C1orf159: variants seen among roughly 807,000 people sequenced by gnomAD.
C1orf159 encodes uncharacterized protein C1orf159.
A neutral mutation model predicts 25.6 loss-of-function variants in C1orf159; 19 were observed. The observed-to-expected ratio is 0.74, with a 90% CI of 0.52 to 1.09. C1orf159 has a LOEUF of 1.09. Among genes scored for constraint, C1orf159 ranks in the 50% least tolerant of loss-of-function variants. The pLI, the probability that C1orf159 is intolerant of heterozygous loss-of-function variation, is 0.00. For synonymous variants in C1orf159, 139 were observed against 124.7 expected (o/e 1.12, Z -0.77); for missense variants, 274 against 290.6 (o/e 0.94, Z 0.42).
chr1:1,087,673 A>T lies in C1orf159; in HGVS notation c.149-76T>A. On this transcript the variant is annotated intron_variant, in intron 4 of 9. Transcript: ENST00000421241. This position sits in a 1 kb window ranked among gnomAD's most constrained non-coding sequence, Gnocchi z 8.3. ...CTGGGTCTCCTGGGAATGATTCTCT[A>T]TTTGAGTTGGTGAGATAACTTTCAT... is the stretch of plus-strand genomic sequence containing the variant. 9.1e-7 allele frequency: 1 copy of T among 1,103,150 alleles called. No individual in the cohort carries two copies. The highest frequency in any genetic ancestry group is 1.3e-6 in the Non-Finnish European group (1 of 768,262). 68.3% of individuals were successfully genotyped at this position (1,103,150 alleles called of 1,614,324 possible). A position where few individuals can be genotyped will look rare whatever the true frequency, so the allele number is the denominator to read the frequency against.
Position 1,087,354 on chromosome 1 carries a change from C to G in C1orf159, c.244+148G>C. 1 of 1,164,598 alleles carries G rather than the reference C, an allele frequency of 8.6e-7. No homozygotes were observed. Among genetic ancestry groups the G allele is most frequent in the Non-Finnish European group, 1.2e-6 (1 of 840,910 alleles). The allele number at this position is 1,164,598 out of a possible 1,614,324, so 72.1% of individuals were successfully genotyped here. A position where few individuals can be genotyped will look rare whatever the true frequency, so the allele number is the denominator to read the frequency against. On this transcript the variant is annotated intron_variant, in intron 5 of 9. Coordinates refer to ENST00000421241, the MANE Select transcript of C1orf159 (RefSeq NM_017891.5). The surrounding 1 kb of genome is among the most constrained non-coding windows in gnomAD (Gnocchi z 8.3). ...CACCACAGAGCTGTCCCGAATGGCC[C>G]AGCAGACTCGGGAAGAGGGGGCTCC... is the stretch of plus-strand genomic sequence containing the variant.
intron 1 of C1orf159, among the ~76,000 whole-genome samples, chr1:1,102,464 T>C (rs976626673): frequency 6.6e-6 from 1 of 151,432 alleles, no homozygotes; most frequent in African/African-American, 2.4e-5. Context: ...CCTTCTGTTA[T>C]GTTCATTCAG....
In C1orf159 at chr1:1,097,818, G is replaced by A. The variant is rs150260621; in HGVS notation, c.-135-5715C>T. 6.6e-5 allele frequency among the ~76,000 whole-genome samples: 10 copies of A among 152,102 alleles called. No individual in the cohort carries two copies. The East Asian group carries it at 1.9e-3, about 29-fold the overall frequency. ...AAAAATCAGCTTTTGATATTGTTAA[G>A]TTTCTCCATTTTTCTCATGCTTTCT... On this transcript the variant is annotated intron_variant, in intron 1 of 9. Transcript: ENST00000421241.
At chr1:1,090,169 C>T (rs540974953) in intron 4 of C1orf159, among the ~76,000 whole-genome samples, 184 bp downstream of exon 4, 100 of 152,324 alleles carry the variant, frequency 6.6e-4, no homozygotes, top group East Asian at 1.5e-3. Flanking sequence ...CGCTCAAGGC[C>T]GCCCGCCAGA....
At chr1:1,090,924 T>G in intron 3 of C1orf159, 3 of 1,550,370 alleles carry the variant, frequency 1.9e-6, no homozygotes, top group South Asian at 1.2e-5. Context: ...TGGACAGGCC[T>G]GGGGGGCTCA....
At position 1,089,478 on chromosome 1, in the gene C1orf159, C is replaced by A. The variant is rs1461946578; in HGVS notation, c.148+875G>T. On this transcript the variant is annotated intron_variant, in intron 4 of 9. Coordinates refer to ENST00000421241, the MANE Select transcript of C1orf159 (RefSeq NM_017891.5). The surrounding 1 kb of genome is among the most constrained non-coding windows in gnomAD (Gnocchi z 7.5). ...TCAGAGCGGTGCCCTCCTCCTCCTA[C>A]CCTGCGTGTGCCTCAGATGTCATCA... Among the ~76,000 whole-genome samples the A allele has an allele frequency of 6.6e-6, 1 of 152,114 alleles. No homozygotes were observed. The highest frequency in any genetic ancestry group is 1.5e-5 in the Non-Finnish European group (1 of 67,984).
chr1:1,107,094 C>T (rs1570334669), intron 1 of C1orf159, among the ~76,000 whole-genome samples: 2 of 152,260 alleles, frequency 1.3e-5, no homozygotes, highest in Non-Finnish European at 2.9e-5. Flanking sequence ...CGGGCACCAC[C>T]CCCTGCTCCG....
At chr1:1,104,479 G>C (rs1646143803) in intron 1 of C1orf159, among the ~76,000 whole-genome samples, 1 of 152,228 alleles carries the variant, frequency 6.6e-6, no homozygotes, top group African/African-American at 2.4e-5. Context: ...CATGGTTATA[G>C]TTGTGCTATG....
At chr1:1,113,137 AGT>A (rs1283184000) in intron 1 of C1orf159, among the ~76,000 whole-genome samples, 4 of 151,630 alleles carry the variant, frequency 2.6e-5, no homozygotes, top group African/African-American at 9.7e-5. Flanking sequence ...CAGAGCTTGC[AGT>A]GAGCCGAGAT....
intron 9 of C1orf159, chr1:1,084,012 C>T: frequency 1.2e-6 from 2 of 1,605,832 alleles, no homozygotes; most frequent in Non-Finnish European, 1.7e-6. Context: ...TCGGGTGGAG[C>T]TGGACTTCAA....
intron 1 of C1orf159, among the ~76,000 whole-genome samples, chr1:1,102,211 T>C (rs1646111638): frequency 6.6e-6 from 1 of 152,088 alleles, no homozygotes; most frequent in Non-Finnish European, 1.5e-5. Flanking sequence ...TGGTTACTGT[T>C]TCTTCAAGTA....
intron 6 of C1orf159, among the ~76,000 whole-genome samples, chr1:1,086,287 G>A (rs552954821): frequency 1.3e-5 from 2 of 152,378 alleles, no homozygotes; most frequent in African/African-American, 4.8e-5. Context: ...CGTTACAGGG[G>A]CTGACCCTGG....
rs147257720 is a variant in C1orf159, at chr1:1,089,459, C to T, written c.148+894G>A. Among the ~76,000 whole-genome samples, 43 of 152,252 alleles carry T rather than the reference C, an allele frequency of 2.8e-4. No homozygotes were observed. Among genetic ancestry groups the T allele is most frequent in the South Asian group, 8.3e-4 (4 of 4,830 alleles). ...CCAGCCCCTCTGTTCTCCCTCAGAG[C>T]GGTGCCCTCCTCCTCCTACCCTGCG... On this transcript the variant is annotated intron_variant, in intron 4 of 9. Coordinates refer to ENST00000421241, the MANE Select transcript of C1orf159 (RefSeq NM_017891.5). This position sits in a 1 kb window ranked among gnomAD's most constrained non-coding sequence, Gnocchi z 7.5.
At chr1:1,085,597 C>A (rs2100741321) in intron 7 of C1orf159, among the ~76,000 whole-genome samples, 1 of 152,334 alleles carries the variant, frequency 6.6e-6, no homozygotes, top group South Asian at 2.1e-4. Flanking sequence ...GCCCTGAGGG[C>A]CCCGGGGAGA....
chr1:1,083,023 G>A (rs1205449337), intron 9 of C1orf159, 36 bp from the exon 10 acceptor site: 8 of 1,526,218 alleles, frequency 5.2e-6, no homozygotes, highest in Non-Finnish European at 7.1e-6. Context: ...GTCAGAGTGG[G>A]ACCTGGACAG....
rs1397613341 is a variant in C1orf159 at position 1,089,680 on chromosome 1, G to A, written c.148+673C>T. Among the ~76,000 whole-genome samples, 2 of 152,150 alleles carry A rather than the reference G, an allele frequency of 1.3e-5. No homozygotes were observed. Among genetic ancestry groups the A allele is most frequent in the Non-Finnish European group, 2.9e-5 (2 of 68,006 alleles). ...AGGGCTGGACCCCCAGGATGGGAGT[G>A]CCAAGGCCCTTGGAGGTACAGCTGG... On this transcript the variant is annotated intron_variant, in intron 4 of 9. Transcript: ENST00000421241. This position sits in a 1 kb window ranked among gnomAD's most constrained non-coding sequence, Gnocchi z 7.5.
intron 1 of C1orf159, among the ~76,000 whole-genome samples, chr1:1,098,481 G>T (rs797002562): frequency 4.0e-4 from 61 of 152,276 alleles, no homozygotes; most frequent in African/African-American, 1.4e-3. Flanking sequence ...ATTTGTGGTT[G>T]ATTTCTAATT....
intron 1 of C1orf159, among the ~76,000 whole-genome samples, chr1:1,098,639 G>A (rs990992702): frequency 2.6e-5 from 4 of 152,162 alleles, no homozygotes; most frequent in African/African-American, 9.7e-5. Context: ...TTGTTTTTGA[G>A]AAGAGTTTTG....
rs562895638 is a variant in C1orf159, at chr1:1,087,250, C to T, written c.245-46G>A. On this transcript the variant is annotated intron_variant, in intron 5 of 9. Coordinates refer to ENST00000421241, the MANE Select transcript of C1orf159 (RefSeq NM_017891.5). This position sits in a 1 kb window ranked among gnomAD's most constrained non-coding sequence, Gnocchi z 8.3. ...GGGAAGCCTGTGTGCACGGAGCCCA[C>T]GGGGACACCCACGTGCACCCTGAAG... 3.6e-5 allele frequency: 55 copies of T among 1,548,050 alleles called. No homozygotes were observed. Among genetic ancestry groups the T allele is most frequent in the Middle Eastern group, 1.7e-4 (1 of 5,816 alleles).
Sources: allele counts gnomAD v4.1 joint callset (sites outside exome capture counted in the v4.1 genomes callset), GRCh38; gene constraint gnomAD v4.1.1; non-coding constraint Gnocchi (gnomAD v3.1); transcripts MANE v1.5; gene names NCBI Gene and HGNC (gene_info 2026-07-23, HGNC 2026-07-21).